CNBD1: variants seen among roughly 807,000 people sequenced by gnomAD.
CNBD1 encodes the protein cyclic nucleotide-binding domain-containing protein 1.
CNBD1 carries 71 observed loss-of-function variants against 54.4 expected under a neutral mutation model. The observed-to-expected ratio is 1.30, with a 90% CI of 1.08 to 1.59. The LOEUF is 1.59. Ranked by LOEUF, CNBD1 falls within the 40% of genes most tolerant of loss-of-function variation. The pLI, the probability that CNBD1 is intolerant of heterozygous loss-of-function variation, is 0.00. For missense variants in CNBD1, 659 were observed against 518.0 expected, an observed-to-expected ratio of 1.27 and a Z score of -2.64; for synonymous variants, 182 against 170.7, an observed-to-expected ratio of 1.07 and a Z score of -0.51.
chr8:87,300,644 G>C (rs891127633), intron 8 of CNBD1, among the ~76,000 whole-genome samples: 3 of 152,074 alleles, frequency 2.0e-5, no homozygotes, highest in Non-Finnish European at 4.4e-5. Flanking sequence ...GATAGTGCTT[G>C]TAGTCCCAGC....
At chr8:87,006,026 G>A (rs950014648) in intron 4 of CNBD1, among the ~76,000 whole-genome samples, 6 of 152,184 alleles carry the variant, frequency 3.9e-5, no homozygotes, top group African/African-American at 1.4e-4. Context: ...TAAGAAAAGG[G>A]AGGAAACATG....
chr8:87,044,652 TG>T (rs1212521948), intron 4 of CNBD1: 1 of 152,170 alleles, frequency 6.6e-6, no homozygotes, highest in African/African-American at 2.4e-5. Context: ...TTTACAGCTG[TG>T]GGATGTCTCT....
At chr8:87,300,318 T>G (rs1214832329) in intron 8 of CNBD1, among the ~76,000 whole-genome samples, 1 of 152,098 alleles carries the variant, frequency 6.6e-6, no homozygotes, top group African/African-American at 2.4e-5. Context: ...ATAATGACAA[T>G]GAATTATATC....
chr8:87,423,377 G>A (rs1034324091), intron 2 of CNBD1, among the ~76,000 whole-genome samples: 6 of 150,290 alleles, frequency 4.0e-5, no homozygotes, highest in Non-Finnish European at 5.9e-5. Context: ...AATGCTTCCA[G>A]TTTTTGCCCA....
intron 8 of CNBD1, among the ~76,000 whole-genome samples, chr8:87,349,357 A>G (rs1002389407): frequency 2.0e-5 from 3 of 152,158 alleles, no homozygotes; most frequent in Admixed American, 6.6e-5. Context: ...TAATATTTAA[A>G]TGTTCTTATT....
At chr8:86,999,012 T>G (rs2130541560) in intron 4 of CNBD1, among the ~76,000 whole-genome samples, 1 of 152,352 alleles carries the variant, frequency 6.6e-6, no homozygotes, top group Admixed American at 6.5e-5. Context: ...CTATGTGGAC[T>G]TTGGTCAATT....
At chr8:87,316,083 G>A (rs1282150420) in intron 8 of CNBD1, among the ~76,000 whole-genome samples, 1 of 151,862 alleles carries the variant, frequency 6.6e-6, no homozygotes. Context: ...TAGCCAAAAG[G>A]CTGAGAAGTG....
downstream of CNBD1, among the ~76,000 whole-genome samples, chr8:87,383,938 G>T (rs1357041001): frequency 6.6e-6 from 1 of 152,050 alleles, no homozygotes; most frequent in Non-Finnish European, 1.5e-5. Context: ...TCTGATTTTA[G>T]ATCATGGCTA....
chr8:87,030,421 A>G (rs1809755277), intron 4 of CNBD1, among the ~76,000 whole-genome samples: 1 of 152,188 alleles, frequency 6.6e-6, no homozygotes, highest in African/African-American at 2.4e-5. Context: ...GATTTTTCCT[A>G]CTTTTTGAAA....
intron 1 of CNBD1, among the ~76,000 whole-genome samples, chr8:86,874,708 T>C (rs1051377071): frequency 2.7e-4 from 41 of 151,922 alleles, no homozygotes; most frequent in Non-Finnish European, 4.4e-5. Context: ...TATATTTTGA[T>C]CACATTGTTC....
At chr8:87,108,749 C>T (rs555229938) in intron 4 of CNBD1, among the ~76,000 whole-genome samples, 218 of 152,166 alleles carry the variant, frequency 1.4e-3, no homozygotes, top group Non-Finnish European at 2.2e-3. Flanking sequence ...TTTTCTTTAC[C>T]TGGAATCTAG....
At chr8:87,266,239 C>G (rs1037603652) in intron 6 of CNBD1, among the ~76,000 whole-genome samples, 2 of 151,146 alleles carry the variant, frequency 1.3e-5, no homozygotes, top group Non-Finnish European at 2.9e-5. Context: ...ATTTTAAAAA[C>G]TATACCAAAG....
At chr8:87,218,999 T>A (rs1814269772) in intron 5 of CNBD1, among the ~76,000 whole-genome samples, 1 of 151,986 alleles carries the variant, frequency 6.6e-6, no homozygotes, top group Non-Finnish European at 1.5e-5. Flanking sequence ...AAGGCTTTGA[T>A]TTTAATATGT....
chr8:86,917,038 T>C (rs1292753665), intron 3 of CNBD1, among the ~76,000 whole-genome samples: 1 of 152,012 alleles, frequency 6.6e-6, no homozygotes, highest in African/African-American at 2.4e-5. Flanking sequence ...GCCCAGCTAA[T>C]TTATGTATTT....
At chr8:86,898,977 A>G (rs908415605) in intron 2 of CNBD1, among the ~76,000 whole-genome samples, 1 of 152,212 alleles carries the variant, frequency 6.6e-6, no homozygotes, top group Admixed American at 6.5e-5. Flanking sequence ...TATATACCCA[A>G]TGGAATACTA....
intron 2 of CNBD1, among the ~76,000 whole-genome samples, chr8:87,409,627 T>A (rs543517312): frequency 6.6e-6 from 1 of 152,138 alleles, no homozygotes; most frequent in Non-Finnish European, 1.5e-5. Flanking sequence ...CTTCAAATAA[T>A]AGGCAGACTC....
At chr8:87,390,751 G>C (rs62528167) in intron 2 of CNBD1, among the ~76,000 whole-genome samples, 2 of 152,016 alleles carry the variant, frequency 1.3e-5, no homozygotes, top group African/African-American at 4.8e-5. Flanking sequence ...GTATATACCC[G>C]AAGGCTTATA....
At chr8:87,386,957 A>T (rs181294219), downstream of CNBD1, among the ~76,000 whole-genome samples, 1 of 152,222 alleles carries the variant, frequency 6.6e-6, no homozygotes, top group African/African-American at 2.4e-5. Context: ...AAAATTCAAC[A>T]TTCTTAAGAA....
chr8:87,291,023 C>G (rs747810144), intron 8 of CNBD1, among the ~76,000 whole-genome samples: 1 of 152,138 alleles, frequency 6.6e-6, no homozygotes, highest in Non-Finnish European at 1.5e-5. Context: ...TTCTGACTCT[C>G]TCATATATTG....
Sources: allele counts gnomAD v4.1 joint callset (sites outside exome capture counted in the v4.1 genomes callset), GRCh38; gene constraint gnomAD v4.1.1; transcripts MANE v1.5; gene names NCBI Gene and HGNC (gene_info 2026-07-23, HGNC 2026-07-21).